STAM: variants seen among roughly 807,000 people sequenced by gnomAD.
STAM encodes the protein signal transducing adaptor molecule, also known as signal transducing adapter molecule 1.
STAM carries 16 observed loss-of-function variants against 63.4 expected under a neutral mutation model. The ratio of observed to expected loss-of-function variants is 0.25; its 90% CI spans 0.17 to 0.38. The LOEUF is 0.38. Ranked by LOEUF, STAM falls within the 10% of genes least tolerant of loss-of-function variation. STAM has a pLI of 1.00. For missense variants in STAM, 636 were observed against 657.1 expected (o/e 0.97, Z 0.35); for synonymous variants, 238 against 223.9 (o/e 1.06, Z -0.56).
At chr10:17,687,348 G>C (rs544806668) in intron 4 of STAM, among the ~76,000 whole-genome samples, 2 of 152,020 alleles carry the variant, frequency 1.3e-5, no homozygotes, top group Non-Finnish European at 2.9e-5. Context: ...GGTGGTGCGC[G>C]CCTGTAATCC....
At chr10:17,650,396 G>T (rs140639291) in intron 1 of STAM, among the ~76,000 whole-genome samples, 1 of 152,160 alleles carries the variant, frequency 6.6e-6, no homozygotes, top group Non-Finnish European at 1.5e-5. Context: ...AGTTGAATAG[G>T]CTTCAAATAT....
At chr10:17,700,168 G>T (rs782592955) in intron 8 of STAM, 23 bp from the exon 9 acceptor site, 2 of 1,557,508 alleles carry the variant, frequency 1.3e-6, no homozygotes, top group African/African-American at 1.4e-5. Context: ...ATTAAAAAAA[G>T]ATAACTTTTA....
intron 4 of STAM, 104 bp from the exon 5 acceptor site, chr10:17,687,923 T>C: frequency 3.0e-6 from 3 of 988,794 alleles, no homozygotes; most frequent in Non-Finnish European, 4.2e-6. Flanking sequence ...ATGCATAACT[T>C]GTGATTCAAA....
intron 2 of STAM, among the ~76,000 whole-genome samples, chr10:17,670,924 G>A (rs1230506398): frequency 2.6e-5 from 4 of 152,028 alleles, no homozygotes; most frequent in Non-Finnish European, 5.9e-5. Context: ...AATATGTTCA[G>A]TATATAAAGA....
intron 8 of STAM, among the ~76,000 whole-genome samples, chr10:17,699,939 TC>T (rs1317261993): frequency 3.9e-5 from 6 of 152,190 alleles, no homozygotes; most frequent in African/African-American, 1.4e-4. Context: ...GAAATACAAC[TC>T]TTATTATTAG....
intron 2 of STAM, among the ~76,000 whole-genome samples, chr10:17,680,357 C>T (rs1156877445): frequency 6.6e-6 from 1 of 151,960 alleles, no homozygotes; most frequent in Admixed American, 6.6e-5. Context: ...TCCCCATTCG[C>T]TGCTCCCCAG....
At position 17,650,560 on chromosome 10, in the gene STAM, A is replaced by C. The variant is rs560041966; in HGVS notation, c.40+6181A>C. Among the ~76,000 whole-genome samples the C allele has an allele frequency of 1.9e-4, 29 of 152,250 alleles. No individual in the cohort carries two copies. In the East Asian group the frequency reaches 5.4e-3, roughly 28 times the overall value. On this transcript the variant is annotated intron_variant, in intron 1 of 13. Transcript: ENST00000377524. ...CTGTAGTTGTAATTTTCTACATTCT[A>C]AACAACAAATGTATCCTGTCTACCC...
chr10:17,663,701 A>C (rs1554823126), intron 2 of STAM, among the ~76,000 whole-genome samples: 1 of 152,166 alleles, frequency 6.6e-6, no homozygotes, highest in Non-Finnish European at 1.5e-5. Flanking sequence ...CCTCTTGTTA[A>C]TAAAGAGTTG....
At chr10:17,645,230 T>C (rs1484536428) in intron 1 of STAM, among the ~76,000 whole-genome samples, 1 of 152,196 alleles carries the variant, frequency 6.6e-6, no homozygotes, top group African/African-American at 2.4e-5. Flanking sequence ...GGAACTACCT[T>C]GGCACACAAG....
chr10:17,651,051 C>T (rs1408672807), intron 1 of STAM, among the ~76,000 whole-genome samples: 4 of 111,426 alleles, frequency 3.6e-5, no homozygotes, highest in Admixed American at 2.8e-4. Context: ...GGTGACAGAG[C>T]GAGAGTCCGT....
intron 13 of STAM, 22 bp downstream of exon 13, chr10:17,708,973 G>A: frequency 6.2e-7 from 1 of 1,609,706 alleles, no homozygotes; most frequent in Non-Finnish European, 8.5e-7. Context: ...GTTGATTCTT[G>A]TTTGGAGTTA....
chr10:17,710,034 A>T (rs1836487411), intron 13 of STAM, among the ~76,000 whole-genome samples: 4 of 150,780 alleles, frequency 2.7e-5, no homozygotes, highest in Admixed American at 1.3e-4. Context: ...CTGTTCTTAG[A>T]GTAGCATGTT....
intron 2 of STAM, among the ~76,000 whole-genome samples, chr10:17,677,263 C>A (rs75075930): frequency 0.025 from 3,753 of 152,202 alleles, 147 homozygotes; most frequent in African/African-American, 0.086. Context: ...TCCCCACCAT[C>A]CTTTCCAAAA....
intron 1 of STAM, among the ~76,000 whole-genome samples, chr10:17,656,554 G>A (rs1270532605): frequency 2.0e-5 from 3 of 152,178 alleles, no homozygotes; most frequent in Non-Finnish European, 4.4e-5. Flanking sequence ...CTGATTTCTT[G>A]GAGGGTAACG....
At position 17,696,515 on chromosome 10, in the gene STAM, G is replaced by T. The variant is rs200632229; in HGVS notation, c.729-260G>T. The T allele has an allele frequency of 6.7e-5, 23 of 345,038 alleles. No individual in the cohort carries two copies. In the East Asian group the frequency reaches 9.6e-4, roughly 14 times the overall value. The allele number at this position is 345,038 out of a possible 1,614,324, so 21.4% of individuals were successfully genotyped here. A position where few individuals can be genotyped will look rare whatever the true frequency, so the allele number is the denominator to read the frequency against. ...AAGCTGACAATTTTTTCGTATTGGT[G>T]CCTCTTTTTTTGGGAGAGAGTCCAT... On this transcript the variant is annotated intron_variant, in intron 7 of 13. Coordinates refer to ENST00000377524, the MANE Select transcript of STAM (RefSeq NM_003473.4).
At chr10:17,657,930 G>A (rs1384387806) in intron 1 of STAM, among the ~76,000 whole-genome samples, 2 of 150,744 alleles carry the variant, frequency 1.3e-5, no homozygotes, top group Non-Finnish European at 2.9e-5. Flanking sequence ...TTTTGGTTGT[G>A]CTGATTTTCT....
At position 17,688,337 on chromosome 10, in the gene STAM, A is replaced by G. The variant is rs149308964; in HGVS notation, c.444+164A>G. ...AGTTGTATTGCTAGTTAGTAATACT[A>G]GTTTTCTGGCATTCAGAGGTGCCAG... On this transcript the variant is annotated intron_variant, in intron 5 of 13. Transcript: ENST00000377524. Among the ~76,000 whole-genome samples, 128 of 152,266 alleles carry G rather than the reference A, an allele frequency of 8.4e-4. 1 individual carries two copies. The highest frequency in any genetic ancestry group is 1.5e-3 in the Non-Finnish European group (101 of 68,018).
chr10:17,695,426 T>G (rs570381105), intron 7 of STAM, among the ~76,000 whole-genome samples, 185 bp downstream of exon 7: 7 of 152,368 alleles, frequency 4.6e-5, no homozygotes, highest in African/African-American at 1.7e-4. Context: ...GTTTAATTTT[T>G]TTCTTATTTA....
At chr10:17,689,405 C>G in intron 5 of STAM, among the ~76,000 whole-genome samples, 1 of 152,132 alleles carries the variant, frequency 6.6e-6, no homozygotes, top group East Asian at 1.9e-4. Context: ...TCCAGTTTAT[C>G]TGAGCACTCT....
Sources: allele counts gnomAD v4.1 joint callset (sites outside exome capture counted in the v4.1 genomes callset), GRCh38; gene constraint gnomAD v4.1.1; transcripts MANE v1.5; gene names NCBI Gene and HGNC (gene_info 2026-07-23, HGNC 2026-07-21).